FBN1: variants seen among roughly 807,000 people sequenced by gnomAD.
FBN1 encodes fibrillin-1.
In FBN1, 29 loss-of-function variants were observed where a neutral mutation model predicts 365.1. That is an observed-to-expected ratio of 0.08 (90% CI 0.06 to 0.11). The LOEUF (loss-of-function observed/expected upper bound fraction) is 0.11. FBN1 is among the 10% of genes least tolerant of loss of function. The pLI is 1.00. For missense variants in FBN1, 2,476 were observed against 3,703.2 expected (o/e 0.67, Z 8.60); for synonymous variants, 1,210 against 1,270.5 (o/e 0.95, Z 1.01).
At chr15:48,456,871 T>TGTGA in intron 43 of FBN1, 109 bp from the exon 44 acceptor site, 2 of 1,083,616 alleles carry the variant, frequency 1.8e-6, no homozygotes, top group Non-Finnish European at 2.8e-6. Context: ...TGTGTGTGTG[T>TGTGA]GCGTGCATGT....
intron 64 of FBN1, among the ~76,000 whole-genome samples, chr15:48,414,820 C>G (rs1410577610): frequency 6.6e-6 from 1 of 151,404 alleles, no homozygotes; most frequent in South Asian, 2.1e-4. Context: ...CGCGTGAACC[C>G]GGGAGGCAGA....
chr15:48,588,646 C>G (rs2044453731), intron 6 of FBN1, among the ~76,000 whole-genome samples: 1 of 152,216 alleles, frequency 6.6e-6, no homozygotes, highest in South Asian at 2.1e-4. Flanking sequence ...ATGCCACATT[C>G]TAAGTCAAGT....
chr15:48,625,736 C>T (rs1038837149), intron 2 of FBN1, among the ~76,000 whole-genome samples: 2 of 152,192 alleles, frequency 1.3e-5, no homozygotes, highest in African/African-American at 2.4e-5. Context: ...ACACGTGAAG[C>T]AAGGAAGCAA....
chr15:48,435,949 G>C (rs924307958), intron 53 of FBN1, among the ~76,000 whole-genome samples: 1 of 152,004 alleles, frequency 6.6e-6, no homozygotes, highest in African/African-American at 2.4e-5. Context: ...AGGCACAGAA[G>C]AGTAATGGCT....
At chr15:48,556,827 G>A (rs2044184789) in intron 6 of FBN1, among the ~76,000 whole-genome samples, 1 of 152,178 alleles carries the variant, frequency 6.6e-6, no homozygotes, top group Admixed American at 6.5e-5. Context: ...AATATTATAT[G>A]TGAAATACCT....
rs532439946 is a variant in FBN1, at chr15:48,481,752, A to C, written c.3867T>G (p.Asn1289Lys). Residue 1289 changes from asparagine (N) to lysine (K), a missense_variant, in exon 32 of 66, where the codon AAT becomes AAG. Asn to Lys is a moderately conservative substitution (Grantham distance 94, BLOSUM62 0). Around this residue, in one of 5 missense-constraint regions of FBN1, gnomAD observed 1,780 missense variants for 2,840.8 expected, o/e 0.63. Coordinates refer to ENST00000316623, the MANE Select transcript of FBN1 (RefSeq NM_000138.5). ...TTTCACAGGTCCCACTTAGGCAGAT[A>C]TTTGGATTCAGGTCACACTCATTGA... Reference protein sequence around the residue: ...VDVNECDLNPNICLSGTCENT... With the variant: ...VDVNECDLNPKICLSGTCENT... 6.2e-7 allele frequency: 1 copy of C among 1,613,698 alleles called. No homozygotes were observed. Among genetic ancestry groups the C allele is most frequent in the African/African-American group, 1.3e-5 (1 of 75,036 alleles).
intron 7 of FBN1, among the ~76,000 whole-genome samples, chr15:48,535,216 C>T (rs551870378): frequency 1.0e-3 from 153 of 152,264 alleles, no homozygotes; most frequent in African/African-American, 3.5e-3. Flanking sequence ...CTCTAATCAT[C>T]CTTCCTTCCC....
At chr15:48,444,228 A>T (rs1403902115) in intron 49 of FBN1, among the ~76,000 whole-genome samples, 1 of 152,190 alleles carries the variant, frequency 6.6e-6, no homozygotes, top group Non-Finnish European at 1.5e-5. Flanking sequence ...AAGAATCGCC[A>T]CTTAAAAAAT....
intron 6 of FBN1, among the ~76,000 whole-genome samples, chr15:48,592,184 T>G (rs984018124): frequency 6.6e-6 from 1 of 152,184 alleles, no homozygotes; most frequent in African/African-American, 2.4e-5. Flanking sequence ...TTTTTGTTTG[T>G]TTGGTTCAAT....
intron 9 of FBN1, among the ~76,000 whole-genome samples, chr15:48,522,864 T>C (rs907172499): frequency 1.3e-5 from 2 of 152,192 alleles, no homozygotes; most frequent in Admixed American, 1.3e-4. Flanking sequence ...TTCCAGAATT[T>C]TTTTGTGGTT....
In FBN1 at chr15:48,412,487, G is replaced by C. The variant is rs2042871234; in HGVS notation, c.8226+82C>G. 2.0e-6 allele frequency: 3 copies of C among 1,474,146 alleles called. No individual in the cohort carries two copies. The East Asian group carries it at 6.8e-5, about 33-fold the overall frequency. The allele number at this position is 1,474,146 out of a possible 1,614,324, so 91.3% of individuals were successfully genotyped here. A position where few individuals can be genotyped will look rare whatever the true frequency, so the allele number is the denominator to read the frequency against. Reference sequence around the variant, plus strand: ...CCCTGGGGAGCTTTTTCACACTTTGGAGCATCCTTGGAGGAAACCACAGGA... The same window carrying C: ...CCCTGGGGAGCTTTTTCACACTTTGCAGCATCCTTGGAGGAAACCACAGGA... On this transcript the variant is annotated intron_variant, in intron 65 of 65. Transcript: ENST00000316623.
chr15:48,427,876 C>G (rs780313283), intron 57 of FBN1, 103 bp from the exon 58 acceptor site: 3 of 990,242 alleles, frequency 3.0e-6, no homozygotes, highest in Non-Finnish European at 4.7e-6. Context: ...GGATGTAACA[C>G]TTTACCCTGG....
intron 6 of FBN1, among the ~76,000 whole-genome samples, chr15:48,580,755 A>T (rs2044385301): frequency 6.6e-6 from 1 of 152,224 alleles, no homozygotes. Flanking sequence ...CAGGCTACCC[A>T]GAGTGATCCA....
chr15:48,519,634 A>T (rs1160740306), intron 10 of FBN1, among the ~76,000 whole-genome samples: 2 of 152,238 alleles, frequency 1.3e-5, no homozygotes, highest in African/African-American at 4.8e-5. Context: ...AAAAGAGGAT[A>T]TATAACAGGC....
intron 6 of FBN1, among the ~76,000 whole-genome samples, chr15:48,587,370 T>C (rs1315154196): frequency 6.6e-6 from 1 of 152,228 alleles, no homozygotes; most frequent in Non-Finnish European, 1.5e-5. Flanking sequence ...AAGGGGCATT[T>C]TTTAATCCCA....
In FBN1 at chr15:48,411,093, T is replaced by C. The variant is rs1232916505; in HGVS notation, c.8513A>G (p.Lys2838Arg). 6.2e-7 allele frequency: 1 copy of C among 1,613,986 alleles called. No homozygotes were observed. The highest frequency in any genetic ancestry group is 8.5e-7 in the Non-Finnish European group (1 of 1,180,022). ...SLQISSTPLY[K>R]KKELNQLEDK... ...TTCTAGTTGGTTAAGTTCTTTCTTT[T>C]TATAAAGTGGAGTACTACTGATTTG... Residue 2838 changes from lysine to arginine, a missense_variant, in exon 66 of 66, where the codon AAA (lysine) becomes AGA (arginine). Physicochemically the swap from Lys to Arg is conservative, Grantham distance 26 (BLOSUM62 2). Transcript: ENST00000316623.
intron 2 of FBN1, chr15:48,644,125 T>C (rs1046017710): frequency 1.2e-5 from 2 of 160,242 alleles, no homozygotes; most frequent in Non-Finnish European, 2.8e-5. Context: ...GTAATTTTAA[T>C]AAGCATAATT....
chr15:48,599,452 A>G (rs2044543507), intron 5 of FBN1, among the ~76,000 whole-genome samples: 1 of 152,204 alleles, frequency 6.6e-6, no homozygotes, highest in South Asian at 2.1e-4. Context: ...ACTATCTGGA[A>G]TGATGAAATC....
chr15:48,567,673 A>C (rs1207981706), intron 6 of FBN1, among the ~76,000 whole-genome samples: 3 of 152,198 alleles, frequency 2.0e-5, no homozygotes, highest in African/African-American at 4.8e-5. Context: ...AAATCAATTA[A>C]TGTAATACAC....
Sources: gnomAD v4.1 joint callset for allele counts (sites outside exome capture counted in the v4.1 genomes callset) on GRCh38, gnomAD v4.1.1 for gene constraint, gnomAD v4.1.1 regional missense constraint, MANE v1.5 for transcripts, NCBI Gene and HGNC (gene_info 2026-07-23, HGNC 2026-07-21) for gene names.